The following ARHGEF28 variants were observed in gnomAD, a reference collection of about 807,000 sequenced individuals.
ARHGEF28 encodes the protein Rho guanine nucleotide exchange factor 28, also known as 190 kDa guanine nucleotide exchange factor.
A neutral mutation model predicts 206.6 loss-of-function variants in ARHGEF28; 152 were observed. That is an observed-to-expected ratio of 0.74 (90% CI 0.64 to 0.84). The LOEUF (loss-of-function observed/expected upper bound fraction) is 0.84. Ranked by LOEUF, ARHGEF28 falls within the 40% of genes least tolerant of loss-of-function variation. The pLI, the probability that ARHGEF28 is intolerant of heterozygous loss-of-function variation, is 0.00. For synonymous variants in ARHGEF28, 763 were observed against 776.4 expected (o/e 0.98, Z 0.29); for missense variants, 2,028 against 2,073.2 (o/e 0.98, Z 0.42).
At chr5:73,863,405 A>G (rs1759515826) in intron 16 of ARHGEF28, 1 of 152,016 alleles carries the variant, frequency 6.6e-6, no homozygotes, top group African/African-American at 2.4e-5. Context: ...CATCTATTTT[A>G]TAATTATACG....
chr5:73,710,254 G>A lies in ARHGEF28; in HGVS notation c.33+25370G>A, dbSNP rs546864429. Among the ~76,000 whole-genome samples, 3 of 152,312 alleles carry A rather than the reference G, an allele frequency of 2.0e-5. No individual in the cohort carries two copies. The South Asian group carries it at 6.2e-4, about 32-fold the overall frequency. On this transcript the variant is annotated intron_variant, in intron 2 of 35. Transcript: ENST00000513042. ...TGTTTTATTTTAGCCCTTCTAAAAG[G>A]TATGTAGTAGTATCTTATTGTGGTT...
In ARHGEF28 at chr5:73,749,957, G is replaced by T. The variant is rs1751940906; in HGVS notation, c.154G>T (p.Asp52Tyr). 6.2e-6 allele frequency: 10 copies of T among 1,613,800 alleles called. No individual in the cohort carries two copies. Among genetic ancestry groups the T allele is most frequent in the African/African-American group, 1.3e-5 (1 of 74,908 alleles). The change falls in exon 3 of 36, where the codon GAT becomes TAT. Residue 52 changes from aspartate to tyrosine, a missense_variant. By Grantham distance (160) the Asp-to-Tyr change is radical. This residue lies in a region of ARHGEF28 where 1,002 missense variants were observed against 1,015.3 expected (regional missense o/e 0.99). Transcript: ENST00000513042. ...TGTCATGATTGCAGAGCGCATCGAG[G>T]ATAACGTTCTCCAGTCCAGCGTCCC... ...RHVMIAERIEDNVLQSSVPGH... is the reference protein window; with the variant it reads ...RHVMIAERIEYNVLQSSVPGH...
intron 2 of ARHGEF28, among the ~76,000 whole-genome samples, chr5:73,723,468 G>A (rs1217567158): frequency 1.3e-5 from 2 of 152,196 alleles, no homozygotes; most frequent in Non-Finnish European, 2.9e-5. Flanking sequence ...TTACAGGCGT[G>A]AGCCACCACA....
intron 35 of ARHGEF28, among the ~76,000 whole-genome samples, chr5:73,922,263 T>A (rs1763562136): frequency 6.6e-6 from 1 of 152,226 alleles, no homozygotes. Flanking sequence ...GAGAAGCCCA[T>A]GGCTTTGTGT....
intron 7 of ARHGEF28, among the ~76,000 whole-genome samples, chr5:73,791,711 C>G (rs1359111701): frequency 6.6e-6 from 1 of 152,176 alleles, no homozygotes; most frequent in Non-Finnish European, 1.5e-5. Flanking sequence ...CGACTTAACC[C>G]TGTTCACTGG....
intron 2 of ARHGEF28, 81 bp from the exon 3 acceptor site, chr5:73,749,756 T>A: frequency 1.3e-6 from 2 of 1,501,428 alleles, no homozygotes; most frequent in Non-Finnish European, 1.8e-6. Context: ...GACACTGTTA[T>A]GGACCCAGGT....
intron 1 of ARHGEF28, among the ~76,000 whole-genome samples, chr5:73,681,539 G>T (rs1420931885): frequency 2.6e-5 from 4 of 152,130 alleles, no homozygotes; most frequent in Non-Finnish European, 5.9e-5. Flanking sequence ...TATAGGCTGG[G>T]CATGGTGGCT....
intron 9 of ARHGEF28, among the ~76,000 whole-genome samples, chr5:73,824,388 A>G (rs1282655007): frequency 1.3e-5 from 2 of 152,164 alleles, no homozygotes; most frequent in East Asian, 3.9e-4. Flanking sequence ...GAGATAATAG[A>G]AAGAGCTCAG....
At chr5:73,885,714 A>G (rs1761238692) in intron 24 of ARHGEF28, 136 bp from the exon 25 acceptor site, 1 of 1,027,118 alleles carries the variant, frequency 9.7e-7, no homozygotes, top group Non-Finnish European at 1.3e-6. Context: ...GTTTAATCCA[A>G]CATTTTTCTT....
At chr5:73,737,120 C>T (rs1488853166) in intron 2 of ARHGEF28, among the ~76,000 whole-genome samples, 5 of 152,056 alleles carry the variant, frequency 3.3e-5, no homozygotes, top group African/African-American at 9.7e-5. Context: ...GAGACACATC[C>T]GAGGTGCTTC....
chr5:73,794,889 G>A (rs1754714062), intron 8 of ARHGEF28, among the ~76,000 whole-genome samples: 1 of 152,206 alleles, frequency 6.6e-6, no homozygotes. Context: ...TTACAGGCAT[G>A]AGCCACCGTG....
At chr5:73,892,538 TCAC>T (rs1761710292) in intron 27 of ARHGEF28, among the ~76,000 whole-genome samples, 1 of 152,218 alleles carries the variant, frequency 6.6e-6, no homozygotes, top group Non-Finnish European at 1.5e-5. Context: ...TAACACCTGC[TCAC>T]TAAAGCATTT....
chr5:73,874,805 A>AT (rs1760351117), intron 22 of ARHGEF28, among the ~76,000 whole-genome samples: 1 of 147,540 alleles, frequency 6.8e-6, no homozygotes, highest in African/African-American at 2.5e-5. Flanking sequence ...CATTTTCTTA[A>AT]TCCAGTCTAT....
intron 16 of ARHGEF28, among the ~76,000 whole-genome samples, chr5:73,859,564 A>G (rs762581414): frequency 1.3e-5 from 2 of 152,306 alleles, no homozygotes; most frequent in South Asian, 4.2e-4. Context: ...TGCTGACTTT[A>G]TTGCATGTTT....
intron 18 of ARHGEF28, 48 bp downstream of exon 18, chr5:73,866,061 C>G: frequency 7.2e-7 from 1 of 1,379,612 alleles, no homozygotes; most frequent in East Asian, 2.4e-5. Flanking sequence ...TTAATACATA[C>G]TATACATTTT....
intron 2 of ARHGEF28, among the ~76,000 whole-genome samples, chr5:73,741,142 G>A (rs959931288): frequency 6.6e-6 from 1 of 151,916 alleles, no homozygotes; most frequent in Non-Finnish European, 1.5e-5. Context: ...TTGTAAGTTA[G>A]GGATTTGAAA....
chr5:73,735,035 C>T (rs16870754), intron 2 of ARHGEF28, among the ~76,000 whole-genome samples: 52,701 of 151,730 alleles, frequency 0.35, 10,621 homozygotes, highest in African/African-American at 0.56. Flanking sequence ...ACTGATGCTG[C>T]GCTGCCGACC....
chr5:73,701,872 T>G (rs1268266375), intron 2 of ARHGEF28, among the ~76,000 whole-genome samples: 3 of 152,348 alleles, frequency 2.0e-5, no homozygotes, highest in African/African-American at 7.2e-5. Flanking sequence ...TTCCAGTTTG[T>G]TTAACCATTC....
intron 4 of ARHGEF28, among the ~76,000 whole-genome samples, chr5:73,762,455 C>CAAA (rs35028103): frequency 1.0e-4 from 7 of 66,828 alleles, no homozygotes; most frequent in East Asian, 1.2e-3. Flanking sequence ...GACTCCCTCT[C>CAAA]AAAAAAAAAA....
Sources: allele counts gnomAD v4.1 joint callset (sites outside exome capture counted in the v4.1 genomes callset), GRCh38; gene constraint gnomAD v4.1.1; regional missense constraint gnomAD v4.1.1; transcripts MANE v1.5; gene names NCBI Gene and HGNC (gene_info 2026-07-23, HGNC 2026-07-21).